CAVIN2: variants seen among roughly 807,000 people sequenced by gnomAD.
CAVIN2 encodes caveolae associated protein 2.
CAVIN2 carries 13 observed loss-of-function variants against 11.7 expected under a neutral mutation model. That is an observed-to-expected ratio of 1.11 (90% confidence interval 0.72 to 1.77). The LOEUF (loss-of-function observed/expected upper bound fraction) is 1.77. Ranked by LOEUF, CAVIN2 falls within the 40% of genes most tolerant of loss-of-function variation. CAVIN2 has a pLI of 0.00. For missense variants in CAVIN2, 549 were observed against 542.9 expected (o/e 1.01, Z -0.11); for synonymous variants, 237 against 223.2 (o/e 1.06, Z -0.55).
rs114661714 is a variant in CAVIN2, at chr2:191,846,677, C to G, written c.249G>C (p.Gln83His). 1.6e-4 allele frequency: 265 copies of G among 1,614,228 alleles called. No homozygotes were observed. In the African/African-American group the frequency reaches 2.5e-3, roughly 15 times the overall value. Residue 83 changes from glutamine to histidine, a missense_variant, in exon 1 of 2, where the codon CAG becomes CAC. Physicochemically the swap from Gln to His is conservative, Grantham distance 24. Transcript: ENST00000304141. ...QENQHKMEQR[Q>H]ISLEGSVKGI... Reference sequence around the variant, plus strand: ...CCTTCACGGAGCCCTCCAAACTGATCTGTCGCTGCTCCATCTTGTGCTGGT... The same window carrying G: ...CCTTCACGGAGCCCTCCAAACTGATGTGTCGCTGCTCCATCTTGTGCTGGT...
intron 1 of CAVIN2, among the ~76,000 whole-genome samples, chr2:191,841,049 C>T (rs182101530): frequency 1.3e-5 from 2 of 152,262 alleles, no homozygotes; most frequent in Admixed American, 1.3e-4. Flanking sequence ...TGATGGTTTT[C>T]TCCGATTTGT....
chr2:191,845,265 G>A (rs1203691675), intron 1 of CAVIN2, among the ~76,000 whole-genome samples: 1 of 152,212 alleles, frequency 6.6e-6, no homozygotes, highest in Admixed American at 6.5e-5. Flanking sequence ...AGCGAGATGA[G>A]TCTTTCCTTT....
intron 1 of CAVIN2, among the ~76,000 whole-genome samples, chr2:191,842,178 G>A (rs1483576350): frequency 6.6e-6 from 1 of 152,154 alleles, no homozygotes; most frequent in Non-Finnish European, 1.5e-5. Flanking sequence ...GAACCCAAAG[G>A]ATGAAGATTT....
chr2:191,839,408 A>G (rs1690063081), intron 1 of CAVIN2, among the ~76,000 whole-genome samples: 1 of 152,216 alleles, frequency 6.6e-6, no homozygotes, highest in Admixed American at 6.5e-5. Context: ...TTATTACAAA[A>G]GCATAGTTGC....
At position 191,841,855 on chromosome 2, in the gene CAVIN2, G is replaced by A. The variant is rs190723216; in HGVS notation, c.483+4588C>T. Among the ~76,000 whole-genome samples, 461 of 152,274 alleles carry A rather than the reference G, an allele frequency of 3.0e-3. 14 individuals are homozygous for A. The highest frequency in any genetic ancestry group is 0.027 in the Admixed American group (412 of 15,300). On this transcript the variant is annotated intron_variant, in intron 1 of 1. Transcript: ENST00000304141. Reference sequence around the variant, plus strand: ...TCAGTTATTCACTTAAAGTGCCTGGGACAGTGCTCACATTCACTAAATGTA... The same window carrying A: ...TCAGTTATTCACTTAAAGTGCCTGGAACAGTGCTCACATTCACTAAATGTA...
At chr2:191,836,891 A>C (rs4461209) in intron 1 of CAVIN2, among the ~76,000 whole-genome samples, 174 bp from the exon 2 acceptor site, 146,824 of 152,334 alleles carry the variant, frequency 0.96, 70,988 homozygotes, top group East Asian at 1. Flanking sequence ...AAGTCATTCT[A>C]TTTAGGCTGG....
chr2:191,836,659 T>C lies in CAVIN2; in HGVS notation c.542A>G (p.Glu181Gly). 2 of 1,614,012 alleles carry C rather than the reference T, an allele frequency of 1.2e-6. No homozygotes were observed. The highest frequency in any genetic ancestry group is 1.7e-6 in the Non-Finnish European group (2 of 1,179,964). Reference protein sequence around the residue: ...FVKQPVSGAVEGKEELPDENK... With the variant: ...FVKQPVSGAVGGKEELPDENK... ...TTCATCCGGAAGCTCCTCCTTCCCTTCCACGGCACCGGAAACGGGCTGTTT... is the reference window on the plus strand; with the variant it reads ...TTCATCCGGAAGCTCCTCCTTCCCTCCCACGGCACCGGAAACGGGCTGTTT... The change falls in exon 2 of 2, where the codon GAA becomes GGA. Residue 181 changes from glutamate to glycine, a missense_variant. Physicochemically the swap from Glu to Gly is moderately conservative, Grantham distance 98. Coordinates refer to ENST00000304141, the MANE Select transcript of CAVIN2 (RefSeq NM_004657.6).
intron 1 of CAVIN2, among the ~76,000 whole-genome samples, chr2:191,838,018 G>A (rs1321659226): frequency 6.6e-6 from 1 of 152,220 alleles, no homozygotes; most frequent in African/African-American, 2.4e-5. Context: ...GAATGCCAGA[G>A]GGGGGCAAAG....
rs1436007464 is a variant in CAVIN2, at chr2:191,846,492, T to G, written c.434A>C (p.Asn145Thr). ...GTTGCGTCGGAGGAGCTGGGCGTGGTTGTTCTCCAGCCGCTTCACCTGTGC... is the reference window on the plus strand; with the variant it reads ...GTTGCGTCGGAGGAGCTGGGCGTGGGTGTTCTCCAGCCGCTTCACCTGTGC... The part of the protein sequence containing the change: ...QCAQVKRLEN[N>T]HAQLLRRNHF... The change falls in exon 1 of 2, where the codon AAC becomes ACC. Residue 145 changes from asparagine to threonine, a missense_variant. Physicochemically the swap from Asn to Thr is moderately conservative, Grantham distance 65. Transcript: ENST00000304141. 1 of 1,614,168 alleles carries G rather than the reference T, an allele frequency of 6.2e-7. No individual in the cohort carries two copies. The highest frequency in any genetic ancestry group is 2.2e-5 in the East Asian group (1 of 44,880).
Position 191,834,354 on chromosome 2 carries a change from T to A in CAVIN2, c.*1569A>T, listed in dbSNP as rs923662808. On this transcript the variant is annotated 3_prime_UTR_variant, in exon 2 of 2. Coordinates refer to ENST00000304141, the MANE Select transcript of CAVIN2 (RefSeq NM_004657.6). ...TATTTAATCTTCTTTAACACAGCCA[T>A]TGTTGGTTCAACAATCCAATATTTG... The A allele has an allele frequency of 6.6e-6, 1 of 152,218 alleles. No individual in the cohort carries two copies. The highest frequency in any genetic ancestry group is 1.5e-5 in the Non-Finnish European group (1 of 68,008). The allele number at this position is 152,218 out of a possible 1,614,324, so 9.4% of individuals were successfully genotyped here. A position where few individuals can be genotyped will look rare whatever the true frequency, so the allele number is the denominator to read the frequency against.
chr2:191,840,847 C>G (rs1690082462), intron 1 of CAVIN2, among the ~76,000 whole-genome samples: 1 of 152,198 alleles, frequency 6.6e-6, no homozygotes, highest in South Asian at 2.1e-4. Flanking sequence ...GTCACTAACT[C>G]ATCATTCCTG....
intron 1 of CAVIN2, among the ~76,000 whole-genome samples, chr2:191,842,392 G>A (rs897328819): frequency 1.2e-4 from 18 of 152,280 alleles, no homozygotes; most frequent in Non-Finnish European, 2.2e-4. Context: ...GACGTAAGAG[G>A]CTACTGCATC....
Position 191,836,603 on chromosome 2 carries a change from C to T in CAVIN2, c.598G>A (p.Val200Met), listed in dbSNP as rs745440132. ...NKSLEETLHT[V>M]DLSSDDDLPH... ...AAATCATCATCTGAGGAGAGGTCCACGGTGTGCAGGGTTTCCTCCAGGGAT... is the reference window on the plus strand; with the variant it reads ...AAATCATCATCTGAGGAGAGGTCCATGGTGTGCAGGGTTTCCTCCAGGGAT... Residue 200 changes from valine to methionine, a missense_variant, in exon 2 of 2, where the codon GTG (valine) becomes ATG (methionine). Coordinates refer to ENST00000304141, the MANE Select transcript of CAVIN2 (RefSeq NM_004657.6). 52 of 1,614,040 alleles carry T rather than the reference C, an allele frequency of 3.2e-5. No homozygotes were observed. The highest frequency in any genetic ancestry group is 4.1e-5 in the Non-Finnish European group (48 of 1,180,034).
rs763296487 is a variant in CAVIN2 at position 191,846,488 on chromosome 2, G to A, written c.438C>T (p.His146=). 3.1e-6 allele frequency: 5 copies of A among 1,614,040 alleles called. No individual in the cohort carries two copies. The highest frequency in any genetic ancestry group is 1.7e-5 in the Admixed American group (1 of 60,010). Residue 146 remains histidine, a synonymous_variant, in exon 1 of 2, where the codon CAC becomes CAT. Transcript: ENST00000304141. ...AATGGTTGCGTCGGAGGAGCTGGGC[G>A]TGGTTGTTCTCCAGCCGCTTCACCT... is the stretch of plus-strand genomic sequence containing the variant. ...CAQVKRLENN[H]AQLLRRNHFK... is the part of the protein sequence containing the mutation.
chr2:191,836,101 C>T lies in CAVIN2; in HGVS notation c.1100G>A (p.Gly367Glu), dbSNP rs750201481. The change falls in exon 2 of 2, where the codon GGG becomes GAG. Residue 367 changes from glycine to glutamate, a missense_variant. Physicochemically the swap from Gly to Glu is moderately conservative, Grantham distance 98. Coordinates refer to ENST00000304141, the MANE Select transcript of CAVIN2 (RefSeq NM_004657.6). ...AGTCAAGTCGATGTTGCTGTCCATC[C>T]CCGAGTTACTCCCCCTGGAGGTCGC... ...EKATSRGSNS[G>E]MDSNIDLTIV... 3.7e-6 allele frequency: 6 copies of T among 1,614,188 alleles called. No homozygotes were observed. Among genetic ancestry groups the T allele is most frequent in the South Asian group, 1.1e-5 (1 of 91,086 alleles).
chr2:191,846,751 G>A lies in CAVIN2; in HGVS notation c.175C>T (p.Leu59Phe). ...TTCACCAGCTTGTCCAGGAGCGTGA[G>A]CACCGTGACTGCGTTCACCTGTGAG... is the stretch of plus-strand genomic sequence containing the variant. ...DNSQVNAVTV[L>F]TLLDKLVNML... Residue 59 changes from leucine to phenylalanine, a missense_variant, in exon 1 of 2, where the codon CTC (leucine) becomes TTC (phenylalanine). Leu to Phe is a conservative substitution (Grantham distance 22, BLOSUM62 0). Coordinates refer to ENST00000304141, the MANE Select transcript of CAVIN2 (RefSeq NM_004657.6). The A allele has an allele frequency of 6.2e-7, 1 of 1,614,230 alleles. No individual in the cohort carries two copies. The highest frequency in any genetic ancestry group is 2.2e-5 in the East Asian group (1 of 44,880).
Position 191,835,984 on chromosome 2 carries a change from G to T in CAVIN2, c.1217C>A (p.Ala406Glu), listed in dbSNP as rs1191492992. ...EGSYALTSEE[A>E]ERSDGDPVQP... ...CACGGGGTCCCCATCGGAGCGCTCC[G>T]CCTCCTCGGATGTTAGCGCGTAGCT... Residue 406 changes from alanine to glutamate, a missense_variant, in exon 2 of 2, where the codon GCG becomes GAG. Ala to Glu is a moderately radical substitution (Grantham distance 107). Transcript: ENST00000304141. The T allele has an allele frequency of 1.9e-6, 3 of 1,614,094 alleles. No homozygotes were observed. Among genetic ancestry groups the T allele is most frequent in the Non-Finnish European group, 1.7e-6 (2 of 1,180,024 alleles).
intron 1 of CAVIN2, among the ~76,000 whole-genome samples, chr2:191,846,158 C>T (rs1221333696): frequency 6.6e-6 from 1 of 152,246 alleles, no homozygotes; most frequent in East Asian, 1.9e-4. Context: ...TGCACATCTT[C>T]CCAACCTGTA....
chr2:191,840,263 T>C (rs1204241718), intron 1 of CAVIN2, among the ~76,000 whole-genome samples: 1 of 152,370 alleles, frequency 6.6e-6, no homozygotes, highest in East Asian at 1.9e-4. Flanking sequence ...ACTGCTTCCC[T>C]GCCCTAGTTA....
Sources: allele counts gnomAD v4.1 joint callset (sites outside exome capture counted in the v4.1 genomes callset), GRCh38; gene constraint gnomAD v4.1.1; transcripts MANE v1.5; gene names NCBI Gene and HGNC (gene_info 2026-07-23, HGNC 2026-07-21).